The following UMAD1 variants were observed in gnomAD, a reference collection of about 807,000 sequenced individuals.
UMAD1 encodes UBAP1-MVB12-associated (UMA) domain containing 1.
UMAD1 carries 8 observed loss-of-function variants against 6.1 expected under a neutral mutation model. The observed-to-expected ratio is 1.30, with a 90% CI of 0.76 to 2.35. UMAD1 has a LOEUF of 2.35. Among genes scored for constraint, UMAD1 ranks in the 30% most tolerant of loss-of-function variants. The pLI, the probability that UMAD1 is intolerant of heterozygous loss-of-function variation, is 0.00. For synonymous variants in UMAD1, 56 were observed against 31.4 expected, an observed-to-expected ratio of 1.78 and a Z score of -2.61; for missense variants, 130 against 78.4, an observed-to-expected ratio of 1.66 and a Z score of -2.49.
intron 2 of UMAD1, among the ~76,000 whole-genome samples, chr7:7,706,349 G>A (rs895646052): frequency 2.0e-5 from 3 of 152,120 alleles, no homozygotes; most frequent in African/African-American, 7.2e-5. Context: ...CCTAGTCTGG[G>A]TTTGCTGGTT....
intron 3 of UMAD1, among the ~76,000 whole-genome samples, chr7:7,841,830 A>AG (rs1179424496): frequency 2.0e-5 from 3 of 152,214 alleles, no homozygotes; most frequent in African/African-American, 7.2e-5. Flanking sequence ...CTTGCTATAA[A>AG]GAGACATACC....
chr7:7,805,988 A>G (rs1221596666), intron 3 of UMAD1, among the ~76,000 whole-genome samples: 1 of 152,216 alleles, frequency 6.6e-6, no homozygotes, highest in African/African-American at 2.4e-5. Flanking sequence ...AAGTTACCCA[A>G]TAAGTACTTG....
chr7:7,672,421 C>G (rs1294928367), intron 1 of UMAD1, among the ~76,000 whole-genome samples: 1 of 152,098 alleles, frequency 6.6e-6, no homozygotes, highest in Non-Finnish European at 1.5e-5. Context: ...CTCACCAACG[C>G]AAGGATTTGC....
At chr7:7,792,497 AATT>A (rs1328313115) in intron 2 of UMAD1, among the ~76,000 whole-genome samples, 1 of 152,260 alleles carries the variant, frequency 6.6e-6, no homozygotes, top group African/African-American at 2.4e-5. Context: ...TTTAAAACTG[AATT>A]GGTTAACTTA....
intron 3 of UMAD1, among the ~76,000 whole-genome samples, chr7:7,849,750 G>T (rs966980776): frequency 2.0e-5 from 3 of 152,096 alleles, no homozygotes; most frequent in African/African-American, 7.2e-5. Flanking sequence ...TCAGACCATG[G>T]TAAGTACAGC....
intron 2 of UMAD1, 55 bp downstream of exon 2, chr7:7,673,508 T>C: frequency 1.5e-6 from 1 of 676,728 alleles, no homozygotes; most frequent in South Asian, 1.7e-5. Flanking sequence ...CTTTAAAAAA[T>C]TACTTGAAAA....
Position 7,673,363 on chromosome 7 carries a change from GCA to G in UMAD1, c.-8_-7del. The G allele has an allele frequency of 1.9e-6, 2 of 1,037,336 alleles. No individual in the cohort carries two copies. Among genetic ancestry groups the G allele is most frequent in the Non-Finnish European group, 2.8e-6 (2 of 724,580 alleles). 64.3% of individuals were successfully genotyped at this position (1,037,336 alleles called of 1,614,324 possible). On this transcript the variant is annotated 5_prime_UTR_variant, in exon 2 of 4. Transcript: ENST00000682710. ...AGCAGCAGCAGCAGCAGCAGCAGCA[GCA>G]GCAGCAATGTTTCACTTCTTCAGAA... is the stretch of plus-strand genomic sequence containing the variant.
chr7:7,856,771 G>C (rs1373678047), intron 3 of UMAD1, among the ~76,000 whole-genome samples: 1 of 152,150 alleles, frequency 6.6e-6, no homozygotes, highest in Non-Finnish European at 1.5e-5. Context: ...ACAATACAAA[G>C]CTCATGCTAC....
intron 1 of UMAD1, among the ~76,000 whole-genome samples, chr7:7,669,701 G>A (rs1426506942): frequency 1.3e-5 from 2 of 152,232 alleles, no homozygotes; most frequent in African/African-American, 4.8e-5. Flanking sequence ...GAGGTGGACT[G>A]TAGTAGGGGA....
At chr7:7,668,342 C>A (rs1473774253) in intron 1 of UMAD1, among the ~76,000 whole-genome samples, 1 of 152,082 alleles carries the variant, frequency 6.6e-6, no homozygotes, top group African/African-American at 2.4e-5. Context: ...TTTACTGTTT[C>A]AGTTACTTAT....
chr7:7,649,915 T>G (rs1410144376), intron 1 of UMAD1, among the ~76,000 whole-genome samples: 2 of 152,212 alleles, frequency 1.3e-5, no homozygotes, highest in African/African-American at 4.8e-5. Context: ...AAGATGGCTG[T>G]CTGTGAACCA....
chr7:7,703,707 A>T (rs572465859), intron 2 of UMAD1, among the ~76,000 whole-genome samples: 95 of 152,302 alleles, frequency 6.2e-4, no homozygotes, highest in African/African-American at 2.1e-3. Flanking sequence ...TGGGAAGCCG[A>T]GACTGGCAGA....
chr7:7,797,357 C>T (rs187771036), intron 2 of UMAD1, among the ~76,000 whole-genome samples: 1 of 152,314 alleles, frequency 6.6e-6, no homozygotes, highest in East Asian at 1.9e-4. Context: ...AGGGGACACA[C>T]ATCCAAATCA....
chr7:7,805,650 T>C (rs1782898319), intron 3 of UMAD1, among the ~76,000 whole-genome samples: 1 of 152,016 alleles, frequency 6.6e-6, no homozygotes, highest in South Asian at 2.1e-4. Context: ...CTCCATACTC[T>C]CTCTAATCTC....
chr7:7,808,374 G>A (rs1782958561), intron 3 of UMAD1, among the ~76,000 whole-genome samples: 1 of 151,924 alleles, frequency 6.6e-6, no homozygotes, highest in South Asian at 2.1e-4. Flanking sequence ...TCTCTTAAGA[G>A]AATAAACATT....
At chr7:7,873,301 G>A (rs1024528084) in intron 3 of UMAD1, among the ~76,000 whole-genome samples, 5 of 152,218 alleles carry the variant, frequency 3.3e-5, no homozygotes, top group South Asian at 2.1e-4. Context: ...TCAAAGCCCC[G>A]GTGCATATGG....
chr7:7,744,407 A>G (rs963450069), intron 2 of UMAD1, among the ~76,000 whole-genome samples: 1 of 152,110 alleles, frequency 6.6e-6, no homozygotes, highest in Non-Finnish European at 1.5e-5. Flanking sequence ...TTGTGTAGAC[A>G]TGTATTTTCA....
chr7:7,657,530 T>C (rs1785371866), intron 1 of UMAD1, among the ~76,000 whole-genome samples: 1 of 152,224 alleles, frequency 6.6e-6, no homozygotes. Flanking sequence ...TTTCTGTATA[T>C]GGCTAGTCAG....
chr7:7,822,519 T>C (rs1262286446), intron 3 of UMAD1, among the ~76,000 whole-genome samples: 1 of 152,162 alleles, frequency 6.6e-6, no homozygotes, highest in East Asian at 1.9e-4. Flanking sequence ...GGGCTCTTTT[T>C]CTTCAGCTGA....
Sources: gnomAD v4.1 joint callset for allele counts (sites outside exome capture counted in the v4.1 genomes callset) on GRCh38, gnomAD v4.1.1 for gene constraint, MANE v1.5 for transcripts, NCBI Gene and HGNC (gene_info 2026-07-23, HGNC 2026-07-21) for gene names.